Variants in BLTP1 observed in about 807,000 individuals in gnomAD.
BLTP1 encodes the protein fragile site-associated protein.
the BLTP1 span, chr4:122,355,833 T>G: frequency 6.2e-7 from 1 of 1,608,780 alleles, no homozygotes; most frequent in South Asian, 1.1e-5. Flanking sequence ...CTAACAACAC[T>G]GAGAATAGCA....
chr4:122,187,796 G>C, the BLTP1 span: 6 of 1,302,084 alleles, frequency 4.6e-6, 1 homozygote, highest in South Asian at 7.6e-5. Context: ...TCATTAAGCT[G>C]TTGTTTGAAA....
chr4:122,293,059 A>G, the BLTP1 span: 1 of 940,604 alleles, frequency 1.1e-6, no homozygotes, highest in Non-Finnish European at 1.3e-6. Context: ...TCAGAAAAAT[A>G]TGAGGCTAGC....
chr4:122,198,045 T>C, the BLTP1 span: 1 of 985,186 alleles, frequency 1.0e-6, no homozygotes, highest in Non-Finnish European at 1.2e-6. Context: ...TTTTGTGTAA[T>C]TCTTAGCTCT....
At chr4:122,180,191 T>C in the BLTP1 span, 1 of 985,062 alleles carries the variant, frequency 1.0e-6, no homozygotes, top group Non-Finnish European at 1.2e-6. Context: ...GTAACGTCAT[T>C]TACTAATATT....
At chr4:122,278,764 AG>A in the BLTP1 span, among the ~76,000 whole-genome samples, 2 of 152,106 alleles carry the variant, frequency 1.3e-5, no homozygotes, top group Admixed American at 6.5e-5. Context: ...TCCAAGTAGC[AG>A]GGACTGCAGG....
the BLTP1 span, chr4:122,279,801 A>G: frequency 6.2e-7 from 1 of 1,613,974 alleles, no homozygotes; most frequent in Non-Finnish European, 8.5e-7. Context: ...AGTATTGCCA[A>G]GTCCCAAGCC....
At chr4:122,300,579 C>T in the BLTP1 span, among the ~76,000 whole-genome samples, 1 of 151,996 alleles carries the variant, frequency 6.6e-6, no homozygotes, top group Admixed American at 6.6e-5. Context: ...TATCATAGTA[C>T]TAACTAAATA....
chr4:122,346,772 A>G, the BLTP1 span: 1 of 1,606,222 alleles, frequency 6.2e-7, no homozygotes, highest in East Asian at 2.2e-5. Context: ...TAAGCTTGTT[A>G]TGTAATTTTA....
chr4:122,161,391 G>A, the BLTP1 span, among the ~76,000 whole-genome samples: 1 of 151,368 alleles, frequency 6.6e-6, no homozygotes, highest in African/African-American at 2.4e-5. Context: ...TCTCTTCTTA[G>A]CTCTAGAAAA....
At chr4:122,165,296 C>G in the BLTP1 span, among the ~76,000 whole-genome samples, 2 of 151,766 alleles carry the variant, frequency 1.3e-5, no homozygotes, top group African/African-American at 2.4e-5. Context: ...CTGTTCAATT[C>G]CCACCTATGA....
the BLTP1 span, chr4:122,328,326 A>G: frequency 6.2e-7 from 1 of 1,610,282 alleles, no homozygotes; most frequent in Non-Finnish European, 8.5e-7. Context: ...AGACCATGAG[A>G]GGGAAAGGTT....
chr4:122,331,224 AATTT>A, the BLTP1 span: 2 of 1,446,206 alleles, frequency 1.4e-6, no homozygotes, highest in South Asian at 1.5e-5. Context: ...AAAATAGTAA[AATTT>A]ATTTACAGAC....
chr4:122,350,450 T>C, the BLTP1 span: 2 of 939,782 alleles, frequency 2.1e-6, no homozygotes, highest in Non-Finnish European at 2.5e-6. Context: ...TTGGCAAATA[T>C]TTATTAAGCT....
chr4:122,159,901 G>A, the BLTP1 span, among the ~76,000 whole-genome samples: 1 of 152,192 alleles, frequency 6.6e-6, no homozygotes, highest in Non-Finnish European at 1.5e-5. Context: ...TTGGGCTTTA[G>A]AACTAGTTAA....
At chr4:122,258,609 G>A in the BLTP1 span, 1 of 1,427,416 alleles carries the variant, frequency 7.0e-7, no homozygotes, top group Admixed American at 2.5e-5. Flanking sequence ...TATGAAAGTT[G>A]AGTGTCATTA....
chr4:122,216,506 AATC>A, the BLTP1 span, among the ~76,000 whole-genome samples: 1 of 152,234 alleles, frequency 6.6e-6, no homozygotes, highest in Non-Finnish European at 1.5e-5. Flanking sequence ...GCATTTCCCT[AATC>A]ATTAGTGATG....
At chr4:122,251,416 C>A in the BLTP1 span, 2 of 874,694 alleles carry the variant, frequency 2.3e-6, no homozygotes, top group Non-Finnish European at 2.7e-6. Flanking sequence ...CTCACCTTTA[C>A]CCCCCAGATT....
chr4:122,161,521 C>T, the BLTP1 span, among the ~76,000 whole-genome samples: 24 of 151,390 alleles, frequency 1.6e-4, no homozygotes, highest in African/African-American at 5.3e-4. Context: ...GCCTTGACTT[C>T]CCAGGCTTAA....
chr4:122,199,887 C>T, the BLTP1 span: 27 of 973,022 alleles, frequency 2.8e-5, no homozygotes, highest in African/African-American at 4.6e-4. Context: ...CTTGTTGATA[C>T]CCTGGATTGT....
Sources: allele counts gnomAD v4.1 joint callset (sites outside exome capture counted in the v4.1 genomes callset), GRCh38; gene constraint gnomAD v4.1.1; transcripts MANE v1.5; gene names NCBI Gene and HGNC (gene_info 2026-07-23, HGNC 2026-07-21).